The following MORC1 variants were observed in gnomAD, a reference collection of about 807,000 sequenced individuals.
MORC1 encodes the protein MORC family CW-type zinc finger protein 1.
Under a neutral mutation model 134.9 loss-of-function variants are expected in MORC1, and 59 were observed. That is an observed-to-expected ratio of 0.44 (90% CI 0.35 to 0.54). MORC1 has a LOEUF of 0.54. Among genes scored for constraint, MORC1 ranks in the 20% least tolerant of loss-of-function variants. MORC1 has a pLI of 0.00. For missense variants in MORC1, 947 were observed against 1,134.5 expected, an observed-to-expected ratio of 0.83 and a Z score of 2.37; for synonymous variants, 395 against 391.7, an observed-to-expected ratio of 1.01 and a Z score of -0.10.
At chr3:108,973,084 A>G (rs947513121) in intron 24 of MORC1, among the ~76,000 whole-genome samples, 1 of 152,244 alleles carries the variant, frequency 6.6e-6, no homozygotes, top group Non-Finnish European at 1.5e-5. Flanking sequence ...TTAGACACAT[A>G]ATAGATATCT....
rs547035435 is a variant in MORC1 at position 109,014,896 on chromosome 3, T to G, written c.1705-7805A>C. ...ATAATTATGTCAAATAAAACTTGTT[T>G]GTTTTTTGAGACAGAGTCTCACTCT... On this transcript the variant is annotated intron_variant, in intron 17 of 27. Coordinates refer to ENST00000232603, the MANE Select transcript of MORC1 (RefSeq NM_014429.4). Among the ~76,000 whole-genome samples, 38 of 152,178 alleles carry G rather than the reference T, an allele frequency of 2.5e-4. No homozygotes were observed. In the East Asian group the frequency reaches 7.2e-3, roughly 29 times the overall value.
intron 20 of MORC1, among the ~76,000 whole-genome samples, chr3:109,004,279 T>C (rs1444720434): frequency 6.6e-6 from 1 of 152,180 alleles, no homozygotes; most frequent in Non-Finnish European, 1.5e-5. Context: ...GTGAACAATA[T>C]CGACTCTTTA....
chr3:109,107,110 A>C (rs1237729374), intron 3 of MORC1, among the ~76,000 whole-genome samples: 3 of 152,114 alleles, frequency 2.0e-5, no homozygotes, highest in African/African-American at 7.2e-5. Context: ...GCTGCACATA[A>C]TGCCCTTCCA....
In MORC1 at chr3:108,963,678, AT is replaced by A. The variant is rs1947143016; in HGVS notation, c.2605-71del. The stretch of plus-strand genomic sequence containing the variant: ...ACTTTCCCTCTAATATCACTAGACA[AT>A]TTCATATTCCAACTCTGCCTACATG... On this transcript the variant is annotated intron_variant, in intron 26 of 27. Transcript: ENST00000232603. 7.6e-6 allele frequency: 8 copies of A among 1,050,878 alleles called. No individual in the cohort carries two copies. The South Asian group carries it at 1.2e-4, about 16-fold the overall frequency. 65.1% of individuals were successfully genotyped at this position (1,050,878 alleles called of 1,614,324 possible).
chr3:108,982,754 G>T (rs1947775802), intron 23 of MORC1, among the ~76,000 whole-genome samples: 1 of 140,436 alleles, frequency 7.1e-6, no homozygotes, highest in Non-Finnish European at 1.6e-5. Context: ...AGAAGAAGAA[G>T]AAAGAAAGAA....
rs144249926 is a variant in MORC1, at chr3:108,973,185, C to G, written c.2478-1783G>C. 3.2e-3 allele frequency among the ~76,000 whole-genome samples: 484 copies of G among 152,230 alleles called. 2 individuals carry two copies. In the Middle Eastern group the frequency reaches 0.059, roughly 18 times the overall value. ...TTAATTCCACAGACATTCTTTAAAC[C>G]TCTACTAAAACACCTTTGACCTTCA... On this transcript the variant is annotated intron_variant, in intron 24 of 27. Transcript: ENST00000232603.
intron 23 of MORC1, among the ~76,000 whole-genome samples, chr3:108,980,586 G>GA (rs1006485654): frequency 1.3e-5 from 2 of 152,094 alleles, no homozygotes; most frequent in Non-Finnish European, 2.9e-5. Flanking sequence ...GCTAGCTTTG[G>GA]AATAAAAAGT....
intron 14 of MORC1, among the ~76,000 whole-genome samples, chr3:109,038,287 GT>G (rs137911536): frequency 0.25 from 36,212 of 146,674 alleles, 4,548 homozygotes; most frequent in Middle Eastern, 0.43. Flanking sequence ...TGTTGATGGG[GT>G]TTTTTTTTTT....
At chr3:108,998,973 C>T (rs1948315921) in intron 21 of MORC1, among the ~76,000 whole-genome samples, 1 of 152,136 alleles carries the variant, frequency 6.6e-6, no homozygotes, top group Non-Finnish European at 1.5e-5. Flanking sequence ...AGAGAGGTGA[C>T]AAAGTAAGGG....
chr3:109,033,541 ACGG>A (rs1949295484), intron 15 of MORC1, among the ~76,000 whole-genome samples: 1 of 152,122 alleles, frequency 6.6e-6, no homozygotes, highest in African/African-American at 2.4e-5. Flanking sequence ...CACACTGCTA[ACGG>A]CTCGTAGGTT....
At chr3:109,109,044 A>G (rs1041762839) in intron 3 of MORC1, among the ~76,000 whole-genome samples, 5 of 152,162 alleles carry the variant, frequency 3.3e-5, no homozygotes, top group Non-Finnish European at 4.4e-5. Context: ...GTGCGAGTCA[A>G]CCGAGCCTCA....
intron 14 of MORC1, among the ~76,000 whole-genome samples, chr3:109,040,353 TGAAAGAAA>T (rs35886667): frequency 0.012 from 336 of 28,230 alleles, 24 homozygotes; most frequent in African/African-American, 0.048. Flanking sequence ...CTCAAAGAAC[TGAAAGAAA>T]GAAAGAAAGA....
At chr3:109,008,172 C>G (rs1049473362) in intron 17 of MORC1, among the ~76,000 whole-genome samples, 6 of 152,090 alleles carry the variant, frequency 3.9e-5, no homozygotes, top group African/African-American at 1.4e-4. Context: ...TTAACCAGGT[C>G]TATTGACAGA....
chr3:109,046,670 T>C (rs563511333), intron 14 of MORC1, among the ~76,000 whole-genome samples: 1 of 152,332 alleles, frequency 6.6e-6, no homozygotes, highest in African/African-American at 2.4e-5. Flanking sequence ...GTATGCTTAA[T>C]TGTCTACATT....
chr3:109,063,234 G>A lies in MORC1; in HGVS notation c.816-3C>T, dbSNP rs976846051. On this transcript the variant is annotated splice_region_variant and splice_polypyrimidine_tract_variant and intron_variant, in intron 9 of 27. Coordinates refer to ENST00000232603, the MANE Select transcript of MORC1 (RefSeq NM_014429.4). ...AAGATGTGACATAAAGATACTTTCTGGAAAGAAACAAAAAGAACATAATCA... is the reference window on the plus strand; with the variant it reads ...AAGATGTGACATAAAGATACTTTCTAGAAAGAAACAAAAAGAACATAATCA... The A allele has an allele frequency of 1.3e-6, 2 of 1,543,242 alleles. No homozygotes were observed. The highest frequency in any genetic ancestry group is 1.8e-6 in the Non-Finnish European group (2 of 1,121,524).
At chr3:109,110,804 T>C (rs1230912713) in intron 2 of MORC1, 21 bp from the exon 3 acceptor site, 2 of 1,569,872 alleles carry the variant, frequency 1.3e-6, no homozygotes, top group Non-Finnish European at 1.7e-6. Flanking sequence ...TACAAAAATA[T>C]TATTTCTTCA....
At chr3:109,047,611 T>C (rs139004566) in intron 14 of MORC1, among the ~76,000 whole-genome samples, 56 of 152,254 alleles carry the variant, frequency 3.7e-4, no homozygotes, top group African/African-American at 1.1e-3. Context: ...TGCTGGGAGC[T>C]GACATGAAGT....
intron 18 of MORC1, 148 bp downstream of exon 18, chr3:109,006,881 C>T: frequency 2.1e-6 from 1 of 472,340 alleles, no homozygotes; most frequent in South Asian, 5.8e-5. Context: ...ATGTATTACT[C>T]TAACAAGAAT....
At chr3:109,109,295 T>C (rs945778675) in intron 3 of MORC1, among the ~76,000 whole-genome samples, 6 of 152,282 alleles carry the variant, frequency 3.9e-5, no homozygotes, top group African/African-American at 1.4e-4. Context: ...TCTCTCCCCA[T>C]TAGGATATAT....
Sources: gnomAD v4.1 joint callset for allele counts (sites outside exome capture counted in the v4.1 genomes callset) on GRCh38, gnomAD v4.1.1 for gene constraint, MANE v1.5 for transcripts, NCBI Gene and HGNC (gene_info 2026-07-23, HGNC 2026-07-21) for gene names.